KRT222: variants seen among roughly 807,000 people sequenced by gnomAD.
The protein encoded by KRT222 is keratin 222, also known as keratin-like protein KRT222.
A neutral mutation model predicts 35.0 loss-of-function variants in KRT222; 23 were observed. That is an observed-to-expected ratio of 0.66 (90% CI 0.47 to 0.93). The LOEUF (loss-of-function observed/expected upper bound fraction) is 0.93, where lower values mean the gene tolerates loss of function less well. Among genes scored for constraint, KRT222 ranks in the 40% least tolerant of loss-of-function variants. The pLI, the probability that KRT222 is intolerant of heterozygous loss-of-function variation, is 0.00. For missense variants in KRT222, 339 were observed against 346.3 expected (o/e 0.98, Z 0.17); for synonymous variants, 108 against 118.8 (o/e 0.91, Z 0.59).
rs115916610 is a variant in KRT222 at position 40,663,185 on chromosome 17, A to G, written c.97-1141T>C. Among the ~76,000 whole-genome samples, 228 of 152,330 alleles carry G rather than the reference A, an allele frequency of 1.5e-3. 2 individuals carry two copies. Among genetic ancestry groups the G allele is most frequent in the African/African-American group, 5.3e-3 (221 of 41,584 alleles). On this transcript the variant is annotated intron_variant, in intron 1 of 5. Transcript: ENST00000394052. Reference sequence around the variant, plus strand: ...GTATCTGCTGGTCTTGTGGCTTTCAAATATGGAACTGGCAGCTAAGCTTGT... The same window carrying G: ...GTATCTGCTGGTCTTGTGGCTTTCAGATATGGAACTGGCAGCTAAGCTTGT...
In KRT222 at chr17:40,655,508, G is replaced by A. The variant is rs2037338465; in HGVS notation, c.*894C>T. On this transcript the variant is annotated 3_prime_UTR_variant, in exon 6 of 6. Transcript: ENST00000394052. Reference sequence around the variant, plus strand: ...ATACTTCATATAGTATCTTATCTACGGCTTATAGCAAACAATCTAATCACA... The same window carrying A: ...ATACTTCATATAGTATCTTATCTACAGCTTATAGCAAACAATCTAATCACA... The A allele has an allele frequency of 6.6e-6, 1 of 151,860 alleles. No individual in the cohort carries two copies. Among genetic ancestry groups the A allele is most frequent in the Non-Finnish European group, 1.5e-5 (1 of 67,932 alleles). The allele number at this position is 151,860 out of a possible 1,614,324, so 9.4% of individuals were successfully genotyped here. A position where few individuals can be genotyped will look rare whatever the true frequency, so the allele number is the denominator to read the frequency against.
chr17:40,659,840 T>C (rs1019953577), intron 3 of KRT222, 147 bp downstream of exon 3: 38 of 707,958 alleles, frequency 5.4e-5, no homozygotes, highest in Middle Eastern at 8.1e-4. Flanking sequence ...ATATATTCTT[T>C]GCAGTGCATA....
chr17:40,657,894 T>G (rs2037356817), intron 3 of KRT222, 144 bp from the exon 4 acceptor site: 1 of 581,118 alleles, frequency 1.7e-6, no homozygotes, highest in African/African-American at 1.9e-5. Flanking sequence ...CACCGTATCT[T>G]TATGGATTGA....
At chr17:40,664,314 C>T (rs753401910) in intron 1 of KRT222, among the ~76,000 whole-genome samples, 7 of 152,154 alleles carry the variant, frequency 4.6e-5, no homozygotes, top group Non-Finnish European at 8.8e-5. Flanking sequence ...GGATTTAGTC[C>T]TTATCTAAGT....
intron 2 of KRT222, 100 bp downstream of exon 2, chr17:40,661,816 A>G: frequency 2.8e-6 from 4 of 1,420,112 alleles, no homozygotes; most frequent in Non-Finnish European, 3.8e-6. Context: ...CTTGATTTCC[A>G]GTTTCTCATG....
chr17:40,657,595 G>A lies in KRT222; in HGVS notation c.523+79C>T, dbSNP rs1459168166. 8 of 1,482,584 alleles carry A rather than the reference G, an allele frequency of 5.4e-6. 1 individual carries two copies. The South Asian group carries it at 9.9e-5, about 18-fold the overall frequency. The allele number at this position is 1,482,584 out of a possible 1,614,324, so 91.8% of individuals were successfully genotyped here. A position where few individuals can be genotyped will look rare whatever the true frequency, so the allele number is the denominator to read the frequency against. The stretch of plus-strand genomic sequence containing the variant: ...TTGCTTGTTTTTTTTCGACTTTAAA[G>A]TATTTAATTTCCTTATAAAGTAATC... On this transcript the variant is annotated intron_variant, in intron 4 of 5. Transcript: ENST00000394052.
chr17:40,657,885 A>ATTT (rs2037356684), intron 3 of KRT222, 135 bp from the exon 4 acceptor site: 3 of 601,060 alleles, frequency 5.0e-6, no homozygotes, highest in African/African-American at 1.8e-5. Flanking sequence ...CTAAGGCTTC[A>ATTT]CCGTATCTTT....
chr17:40,660,975 C>T (rs534320239), intron 2 of KRT222, among the ~76,000 whole-genome samples: 29 of 152,340 alleles, frequency 1.9e-4, no homozygotes, highest in Non-Finnish European at 3.4e-4. Flanking sequence ...GAGACAGTCT[C>T]GCTCTGTCGC....
rs895615999 is a variant in KRT222, at chr17:40,665,156, C to A, written c.-57G>T. 12 of 1,523,408 alleles carry A rather than the reference C, an allele frequency of 7.9e-6. No individual in the cohort carries two copies. Among genetic ancestry groups the A allele is most frequent in the Non-Finnish European group, 1.0e-5 (11 of 1,100,940 alleles). The allele number at this position is 1,523,408 out of a possible 1,614,324, so 94.4% of individuals were successfully genotyped here. ...ACCTTATCGATAGGATGAGTCGCTGCGGCAGTCTGCTCGGTCTGCGCGGAA... is the reference window on the plus strand; with the variant it reads ...ACCTTATCGATAGGATGAGTCGCTGAGGCAGTCTGCTCGGTCTGCGCGGAA... On this transcript the variant is annotated 5_prime_UTR_variant, in exon 1 of 6. Transcript: ENST00000394052.
In KRT222 at chr17:40,660,136, A is replaced by G; in HGVS notation, c.297T>C (p.Thr99=). Reference sequence around the variant, plus strand: ...GCTCTTTTTCTAGTCCTTCAATCACAGTCTCTAGGTCTTGCAGCTGCATCT... The same window carrying G: ...GCTCTTTTTCTAGTCCTTCAATCACGGTCTCTAGGTCTTGCAGCTGCATCT... The part of the protein sequence containing the change: ...HYQMQLQDLE[T]VIEGLEKELQ... Residue 99 remains threonine, a synonymous_variant, in exon 3 of 6, where the codon ACT becomes ACC. Transcript: ENST00000394052. 1 of 1,614,028 alleles carries G rather than the reference A, an allele frequency of 6.2e-7. No homozygotes were observed. The highest frequency in any genetic ancestry group is 1.3e-5 in the African/African-American group (1 of 74,984).
chr17:40,657,503 T>G lies in KRT222; in HGVS notation c.524-16A>C. The G allele has an allele frequency of 6.5e-7, 1 of 1,544,372 alleles. No homozygotes were observed. The highest frequency in any genetic ancestry group is 8.9e-7 in the Non-Finnish European group (1 of 1,128,042). On this transcript the variant is annotated splice_polypyrimidine_tract_variant and intron_variant, in intron 4 of 5. Transcript: ENST00000394052. ...TTTATAATGGCTGTGAAAATATCATTTATGATATATTAAATTACAGTATTG... is the reference window on the plus strand; with the variant it reads ...TTTATAATGGCTGTGAAAATATCATGTATGATATATTAAATTACAGTATTG...
At position 40,661,992 on chromosome 17, in the gene KRT222, G is replaced by C; in HGVS notation, c.149C>G (p.Ala50Gly). Residue 50 changes from alanine (A) to glycine (G), a missense_variant, in exon 2 of 6, where the codon GCA becomes GGA. Physicochemically the swap from Ala to Gly is moderately conservative, Grantham distance 60. Coordinates refer to ENST00000394052, the MANE Select transcript of KRT222 (RefSeq NM_152349.3). ...GGCCTCCTTGAGTTCTGCTTGAGCT[G>C]CCTTCAAAGCCTCTTCATCTTTGTC... is the stretch of plus-strand genomic sequence containing the variant. Reference protein sequence around the residue: ...KMDKDEEALKAAQAELKEARR... With the variant: ...KMDKDEEALKGAQAELKEARR... 1 of 1,614,098 alleles carries C rather than the reference G, an allele frequency of 6.2e-7. No homozygotes were observed. Among genetic ancestry groups the C allele is most frequent in the Non-Finnish European group, 8.5e-7 (1 of 1,180,012 alleles).
chr17:40,658,422 TATATAC>T (rs1193142845), intron 3 of KRT222, among the ~76,000 whole-genome samples: 20 of 152,256 alleles, frequency 1.3e-4, no homozygotes, highest in Admixed American at 8.5e-4. Flanking sequence ...TATAGTTACA[TATATAC>T]ATATACATAT....
At chr17:40,664,333 T>C (rs1464652619) in intron 1 of KRT222, among the ~76,000 whole-genome samples, 4 of 152,204 alleles carry the variant, frequency 2.6e-5, no homozygotes, top group Admixed American at 2.6e-4. Context: ...GTAGGCTCTC[T>C]TTCTCTTTTT....
At chr17:40,658,643 T>C (rs1278558530) in intron 3 of KRT222, among the ~76,000 whole-genome samples, 1 of 152,128 alleles carries the variant, frequency 6.6e-6, no homozygotes, top group Non-Finnish European at 1.5e-5. Flanking sequence ...AGCTAGTAAG[T>C]GGTATATTTT....
At chr17:40,660,285 T>C (rs2037373679) in intron 2 of KRT222, 78 bp from the exon 3 acceptor site, 1 of 204,916 alleles carries the variant, frequency 4.9e-6, no homozygotes, top group Non-Finnish European at 7.8e-6. Flanking sequence ...TATCTTCATC[T>C]TTTTTTTTTT....
At position 40,656,431 on chromosome 17, in the gene KRT222, A is replaced by G; in HGVS notation, c.859T>C (p.Ser287Pro). 6.2e-7 allele frequency: 1 copy of G among 1,613,618 alleles called. No homozygotes were observed. The highest frequency in any genetic ancestry group is 8.5e-7 in the Non-Finnish European group (1 of 1,179,600). Residue 287 changes from serine to proline, a missense_variant, in exon 6 of 6, where the codon TCT (serine) becomes CCT (proline). Transcript: ENST00000394052. ...LIMRRSCSIP[S>P]IKPPSTAN ...TTAGCTGTTGATGGAGGTTTGATAGAGGGAATACTGCATGATCTTCTCATG... is the reference window on the plus strand; with the variant it reads ...TTAGCTGTTGATGGAGGTTTGATAGGGGGAATACTGCATGATCTTCTCATG...
intron 4 of KRT222, 90 bp from the exon 5 acceptor site, chr17:40,657,577 T>G: frequency 5.9e-6 from 8 of 1,351,300 alleles, no homozygotes; most frequent in Non-Finnish European, 7.7e-6. Flanking sequence ...ATATTGCTTG[T>G]TTTTTTTCGA....
chr17:40,664,834 A>G, intron 1 of KRT222, 170 bp downstream of exon 1: 5 of 1,084,972 alleles, frequency 4.6e-6, no homozygotes, highest in Non-Finnish European at 6.4e-6. Context: ...ATATAATCAC[A>G]GTATTTCCCC....
Sources: gnomAD v4.1 joint callset for allele counts (sites outside exome capture counted in the v4.1 genomes callset) on GRCh38, gnomAD v4.1.1 for gene constraint, MANE v1.5 for transcripts, NCBI Gene and HGNC (gene_info 2026-07-23, HGNC 2026-07-21) for gene names.